ZCCHC24: variants seen among roughly 807,000 people sequenced by gnomAD.
ZCCHC24 encodes zinc finger CCHC-type containing 24, also known as zinc finger CCHC domain-containing protein 24.
Under a neutral mutation model 26.2 loss-of-function variants are expected in ZCCHC24, and 10 were observed. The observed-to-expected ratio is 0.38, with a 90% CI of 0.24 to 0.65. ZCCHC24 has a LOEUF of 0.65. ZCCHC24 is among the 30% of genes least tolerant of loss of function. ZCCHC24 has a pLI of 0.54. For missense variants in ZCCHC24, 243 were observed against 329.1 expected (o/e 0.74, Z 2.03); for synonymous variants, 144 against 147.1 (o/e 0.98, Z 0.15).
intron 2 of ZCCHC24, among the ~76,000 whole-genome samples, chr10:79,428,464 CAAGATAAATTTCAGTTTT>C (rs1352551031): frequency 5.1e-5 from 4 of 78,692 alleles, no homozygotes; most frequent in African/African-American, 2.1e-4. Flanking sequence ...TTCAGTTTTG[CAAGATAAATTTCAGTTTT>C]GCAAGATAAA....
intron 3 of ZCCHC24, among the ~76,000 whole-genome samples, chr10:79,390,615 C>T (rs1353047523): frequency 6.6e-6 from 1 of 152,216 alleles, no homozygotes; most frequent in Non-Finnish European, 1.5e-5. Context: ...GCTTGGCCTG[C>T]CACTGGGCGA....
chr10:79,410,403 CA>C (rs1856773803), intron 2 of ZCCHC24, among the ~76,000 whole-genome samples: 3 of 152,224 alleles, frequency 2.0e-5, no homozygotes, highest in African/African-American at 7.2e-5. Flanking sequence ...ACCAGTCAGA[CA>C]AAAGTAGCAT....
intron 1 of ZCCHC24, among the ~76,000 whole-genome samples, chr10:79,433,881 T>C (rs1389596548): frequency 1.3e-5 from 2 of 152,136 alleles, no homozygotes; most frequent in African/African-American, 2.4e-5. Flanking sequence ...TCCCTTAGCA[T>C]AGGCAGGGGA....
chr10:79,444,257 G>A, intron 1 of ZCCHC24: 1 of 1,449,720 alleles, frequency 6.9e-7, no homozygotes, highest in Non-Finnish European at 9.1e-7. Flanking sequence ...TAAATGGAGG[G>A]AGGGGAGGAG....
intron 2 of ZCCHC24, among the ~76,000 whole-genome samples, chr10:79,431,200 G>C (rs1449491553): frequency 6.6e-6 from 1 of 152,200 alleles, no homozygotes; most frequent in Non-Finnish European, 1.5e-5. Flanking sequence ...TGGACAAAGT[G>C]CAACAGGCTA....
chr10:79,396,527 C>T (rs1856549207), intron 2 of ZCCHC24, among the ~76,000 whole-genome samples: 1 of 152,206 alleles, frequency 6.6e-6, no homozygotes, highest in Non-Finnish European at 1.5e-5. Flanking sequence ...TCTACTAGGC[C>T]CTCGCAGGCT....
Position 79,445,480 on chromosome 10 carries a change from C to A in ZCCHC24, c.-40G>T. On this transcript the variant is annotated 5_prime_UTR_variant, in exon 1 of 4. Transcript: ENST00000372336. ...GCCGGCCCCTCCCCGGCCGCCCGCT[C>A]GCGGCCCCCCTCCGCAGCGGAGGGG... 7.5e-7 allele frequency: 1 copy of A among 1,325,958 alleles called. No individual in the cohort carries two copies. Among genetic ancestry groups the A allele is most frequent in the South Asian group, 2.0e-5 (1 of 50,710 alleles). The allele number at this position is 1,325,958 out of a possible 1,614,324, so 82.1% of individuals were successfully genotyped here. A position where few individuals can be genotyped will look rare whatever the true frequency, so the allele number is the denominator to read the frequency against.
chr10:79,383,313 T>C lies in ZCCHC24; in HGVS notation c.*3032A>G, dbSNP rs1248008051. The C allele has an allele frequency of 6.5e-6, 1 of 152,764 alleles. No homozygotes were observed. The highest frequency in any genetic ancestry group is 1.9e-4 in the East Asian group (1 of 5,344). The allele number at this position is 152,764 out of a possible 1,614,324, so 9.5% of individuals were successfully genotyped here. A position where few individuals can be genotyped will look rare whatever the true frequency, so the allele number is the denominator to read the frequency against. On this transcript the variant is annotated 3_prime_UTR_variant, in exon 4 of 4. Transcript: ENST00000372336. ...CTTAAAGAATTGCAAAGATTTTTTT[T>C]CCTCATCAGAATTATGTACCAACTT...
intron 2 of ZCCHC24, among the ~76,000 whole-genome samples, chr10:79,430,213 A>G (rs1336470126): frequency 2.0e-5 from 3 of 152,076 alleles, no homozygotes; most frequent in African/African-American, 4.8e-5. Flanking sequence ...GCCTCATGGG[A>G]CAGGCGACGA....
chr10:79,407,137 G>A (rs112653176), intron 2 of ZCCHC24, among the ~76,000 whole-genome samples: 2,122 of 152,312 alleles, frequency 0.014, 60 homozygotes, highest in African/African-American at 0.049. Context: ...CACACGCCCC[G>A]CAACCTGTGT....
chr10:79,423,589 A>ATATTTTC (rs1201819628), intron 2 of ZCCHC24, among the ~76,000 whole-genome samples: 5 of 93,106 alleles, frequency 5.4e-5, no homozygotes, highest in South Asian at 3.9e-4. Context: ...TACTATATAT[A>ATATTTTC]TATATATATA....
At chr10:79,410,198 G>C (rs1856771622) in intron 2 of ZCCHC24, among the ~76,000 whole-genome samples, 1 of 152,226 alleles carries the variant, frequency 6.6e-6, no homozygotes, top group Admixed American at 6.5e-5. Flanking sequence ...CATGTCCTCA[G>C]AGACACCATC....
At chr10:79,390,548 AC>A (rs1422771855) in intron 3 of ZCCHC24, among the ~76,000 whole-genome samples, 1 of 152,124 alleles carries the variant, frequency 6.6e-6, no homozygotes, top group East Asian at 1.9e-4. Flanking sequence ...CTTGGCCATG[AC>A]CCCATGGTGG....
At chr10:79,408,355 G>A (rs1856745819) in intron 2 of ZCCHC24, among the ~76,000 whole-genome samples, 1 of 152,158 alleles carries the variant, frequency 6.6e-6, no homozygotes, top group Non-Finnish European at 1.5e-5. Context: ...ACTATATACT[G>A]GCATGTATCT....
chr10:79,422,450 G>A (rs143925586), intron 2 of ZCCHC24, among the ~76,000 whole-genome samples: 3 of 152,314 alleles, frequency 2.0e-5, no homozygotes, highest in East Asian at 3.9e-4. Context: ...GCTGGGGTCC[G>A]AGGGCTGCAG....
At chr10:79,425,791 G>A (rs983051393) in intron 2 of ZCCHC24, among the ~76,000 whole-genome samples, 1 of 152,202 alleles carries the variant, frequency 6.6e-6, no homozygotes, top group African/African-American at 2.4e-5. Context: ...ATTGTATAGT[G>A]TATGATATTA....
chr10:79,389,483 T>A (rs1184490156), intron 3 of ZCCHC24, among the ~76,000 whole-genome samples: 1 of 151,624 alleles, frequency 6.6e-6, no homozygotes, highest in Non-Finnish European at 1.5e-5. Flanking sequence ...AACTTGCCCT[T>A]TTGGGATCTG....
At chr10:79,387,906 C>T (rs1856423268) in intron 3 of ZCCHC24, among the ~76,000 whole-genome samples, 2 of 152,160 alleles carry the variant, frequency 1.3e-5, no homozygotes, top group African/African-American at 4.8e-5. Flanking sequence ...AAACCCATCC[C>T]TGTGCTCCCA....
At chr10:79,432,893 C>T (rs910309830) in intron 1 of ZCCHC24, 135 bp from the exon 2 acceptor site, 1 of 946,018 alleles carries the variant, frequency 1.1e-6, no homozygotes, top group African/African-American at 1.7e-5. Context: ...AGCCTGAGTT[C>T]AAATCCTAAC....
Sources: allele counts gnomAD v4.1 joint callset (sites outside exome capture counted in the v4.1 genomes callset), GRCh38; gene constraint gnomAD v4.1.1; transcripts MANE v1.5; gene names NCBI Gene and HGNC (gene_info 2026-07-23, HGNC 2026-07-21).